RBFOX1: variants seen among roughly 807,000 people sequenced by gnomAD.
RBFOX1 encodes the protein RNA binding fox-1 homolog 1.
In RBFOX1, 8 loss-of-function variants were observed where a neutral mutation model predicts 57.7. The observed-to-expected ratio is 0.14, with a 90% CI of 0.08 to 0.25. The LOEUF (loss-of-function observed/expected upper bound fraction) is 0.25. Among genes scored for constraint, RBFOX1 ranks in the 10% least tolerant of loss-of-function variants. The pLI is 1.00. For synonymous variants in RBFOX1, 326 were observed against 222.4 expected (o/e 1.47, Z -4.15); for missense variants, 611 against 548.5 (o/e 1.11, Z -1.14).
intron 1 of RBFOX1, among the ~76,000 whole-genome samples, chr16:6,147,726 C>T (rs1471466059): frequency 6.6e-6 from 1 of 152,212 alleles, no homozygotes; most frequent in African/African-American, 2.4e-5. Context: ...AAAGCCTCCC[C>T]AGTCCTCGCA....
chr16:6,970,437 C>G (rs1043041953), intron 3 of RBFOX1, among the ~76,000 whole-genome samples: 3 of 152,154 alleles, frequency 2.0e-5, no homozygotes, highest in Non-Finnish European at 4.4e-5. Flanking sequence ...CATCAAGATA[C>G]CTTAGCCTGG....
At chr16:6,805,209 C>G (rs996512760) in intron 3 of RBFOX1, among the ~76,000 whole-genome samples, 5 of 152,142 alleles carry the variant, frequency 3.3e-5, no homozygotes, top group Non-Finnish European at 7.3e-5. Context: ...TACTATGCAG[C>G]CATAAAAAAT....
At chr16:6,683,166 C>A (rs558230307) in intron 3 of RBFOX1, among the ~76,000 whole-genome samples, 330 of 152,238 alleles carry the variant, frequency 2.2e-3, no homozygotes, top group African/African-American at 7.4e-3. Flanking sequence ...GGGCATTACA[C>A]AGAGGACTTA....
chr16:6,559,211 G>C (rs1280676486), intron 2 of RBFOX1, among the ~76,000 whole-genome samples: 1 of 151,820 alleles, frequency 6.6e-6, no homozygotes, highest in South Asian at 2.1e-4. Flanking sequence ...ATAGTCACAT[G>C]TCATGTCAAT....
chr16:6,988,632 G>C (rs1447039390), intron 3 of RBFOX1, among the ~76,000 whole-genome samples: 1 of 151,452 alleles, frequency 6.6e-6, no homozygotes, highest in Non-Finnish European at 1.5e-5. Context: ...GAGTGCAGTG[G>C]TGCGATCTCG....
chr16:7,622,406 T>C (rs186647624), intron 10 of RBFOX1, among the ~76,000 whole-genome samples: 3 of 152,246 alleles, frequency 2.0e-5, no homozygotes, highest in Admixed American at 2.0e-4. Flanking sequence ...TTGTTAGGTT[T>C]ATCATATTAA....
intron 4 of RBFOX1, among the ~76,000 whole-genome samples, chr16:7,173,907 G>A (rs932347807): frequency 2.0e-5 from 3 of 152,162 alleles, no homozygotes; most frequent in African/African-American, 7.2e-5. Context: ...GACAGTTGAG[G>A]ATGAGACCAA....
At chr16:7,672,303 A>G (rs1027763175) in intron 13 of RBFOX1, among the ~76,000 whole-genome samples, 1 of 152,232 alleles carries the variant, frequency 6.6e-6, no homozygotes, top group African/African-American at 2.4e-5. Flanking sequence ...CCGTCAAATA[A>G]GATGAATGTC....
At chr16:6,965,071 A>G (rs1327655566) in intron 3 of RBFOX1, among the ~76,000 whole-genome samples, 4 of 151,930 alleles carry the variant, frequency 2.6e-5, no homozygotes, top group Non-Finnish European at 5.9e-5. Context: ...TGGGGGTGGC[A>G]GTGTTATGTA....
intron 4 of RBFOX1, among the ~76,000 whole-genome samples, chr16:5,991,781 G>C (rs1442800036): frequency 6.6e-6 from 1 of 151,224 alleles, no homozygotes; most frequent in African/African-American, 2.4e-5. Flanking sequence ...CAACAATGTT[G>C]CCTGGGATTG....
chr16:7,116,878 A>G (rs949875908), intron 4 of RBFOX1, among the ~76,000 whole-genome samples: 1 of 152,092 alleles, frequency 6.6e-6, no homozygotes, highest in Non-Finnish European at 1.5e-5. Context: ...TCATCAACAC[A>G]AGATTTAAAT....
chr16:5,551,038 G>A (rs34527407), intron 2 of RBFOX1, among the ~76,000 whole-genome samples: 1 of 152,054 alleles, frequency 6.6e-6, no homozygotes, highest in Non-Finnish European at 1.5e-5. Context: ...TCAGGGAACT[G>A]TGGGGAGGCA....
At chr16:6,674,760 G>A (rs2098790144) in intron 3 of RBFOX1, among the ~76,000 whole-genome samples, 1 of 152,194 alleles carries the variant, frequency 6.6e-6, no homozygotes. Flanking sequence ...GCCACCAGCA[G>A]AAGCTACAAG....
intron 1 of RBFOX1, among the ~76,000 whole-genome samples, chr16:5,254,818 A>G (rs1022413488): frequency 6.6e-6 from 1 of 152,172 alleles, no homozygotes. Flanking sequence ...GGCTGGAAGA[A>G]GGGCTGACCT....
At chr16:7,697,699 T>TC (rs2079230774) in intron 14 of RBFOX1, among the ~76,000 whole-genome samples, 1 of 152,092 alleles carries the variant, frequency 6.6e-6, no homozygotes, top group Non-Finnish European at 1.5e-5. Flanking sequence ...CCAAAACCCT[T>TC]CCCCTGGGTC....
intron 9 of RBFOX1, among the ~76,000 whole-genome samples, chr16:7,598,510 A>G (rs562491114): frequency 1.3e-5 from 2 of 152,280 alleles, no homozygotes; most frequent in East Asian, 3.9e-4. Context: ...TAAAAAAAAA[A>G]TTAAAAGAAA....
At chr16:6,529,325 G>A (rs1391392094) in intron 2 of RBFOX1, among the ~76,000 whole-genome samples, 1 of 152,130 alleles carries the variant, frequency 6.6e-6, no homozygotes, top group Non-Finnish European at 1.5e-5. Context: ...CAGTTTGGGA[G>A]GTGGAGGCAG....
At chr16:5,468,832 T>A (rs1470117870) in intron 2 of RBFOX1, among the ~76,000 whole-genome samples, 1 of 152,218 alleles carries the variant, frequency 6.6e-6, no homozygotes, top group Non-Finnish European at 1.5e-5. Flanking sequence ...AGAAACACAG[T>A]TACAAGTTGT....
intron 2 of RBFOX1, among the ~76,000 whole-genome samples, chr16:5,527,318 C>G (rs769824771): frequency 5.3e-5 from 8 of 152,180 alleles, no homozygotes; most frequent in Admixed American, 5.2e-4. Flanking sequence ...CACCTACCTG[C>G]AAGGAACACT....
Sources: gnomAD v4.1 joint callset for allele counts (sites outside exome capture counted in the v4.1 genomes callset) on GRCh38, gnomAD v4.1.1 for gene constraint, MANE v1.5 for transcripts, NCBI Gene and HGNC (gene_info 2026-07-23, HGNC 2026-07-21) for gene names.